The following SNTG2 variants were observed in gnomAD, a reference collection of about 807,000 sequenced individuals.
SNTG2 encodes the protein syntrophin gamma 2.
SNTG2 carries 74 observed loss-of-function variants against 70.9 expected under a neutral mutation model. The observed-to-expected ratio is 1.04, with a 90% CI of 0.86 to 1.27. SNTG2 has a LOEUF of 1.27. Among genes scored for constraint, SNTG2 ranks in the 50% most tolerant of loss-of-function variants. The probability of loss-of-function intolerance (pLI) is 0.00; values close to 1 mark genes in which losing one functional copy is unlikely to be tolerated. For synonymous variants in SNTG2, 278 were observed against 273.8 expected (o/e 1.02, Z -0.15); for missense variants, 717 against 690.7 (o/e 1.04, Z -0.43).
At chr2:1,127,659 T>G (rs556152873) in intron 4 of SNTG2, among the ~76,000 whole-genome samples, 13 of 152,212 alleles carry the variant, frequency 8.5e-5, no homozygotes, top group African/African-American at 2.6e-4. Flanking sequence ...TGTAGGGATC[T>G]TCCATATCCT....
chr2:1,257,380 G>A (rs1189756345), intron 12 of SNTG2, among the ~76,000 whole-genome samples: 2 of 152,128 alleles, frequency 1.3e-5, no homozygotes, highest in South Asian at 2.1e-4. Flanking sequence ...CTCTGGGAGC[G>A]GAGAAGGGAT....
At chr2:1,290,558 C>T (rs769104866) in intron 14 of SNTG2, among the ~76,000 whole-genome samples, 1 of 152,186 alleles carries the variant, frequency 6.6e-6, no homozygotes, top group Non-Finnish European at 1.5e-5. Context: ...AAGCAATCCA[C>T]CCACCTTGGC....
chr2:965,721 G>A (rs542101408), intron 1 of SNTG2, among the ~76,000 whole-genome samples: 4 of 152,118 alleles, frequency 2.6e-5, no homozygotes, highest in African/African-American at 7.2e-5. Flanking sequence ...GGGGTGGGGG[G>A]TTTCCTTCTG....
At chr2:1,155,718 C>T (rs1489924465) in intron 6 of SNTG2, among the ~76,000 whole-genome samples, 1 of 152,120 alleles carries the variant, frequency 6.6e-6, no homozygotes, top group African/African-American at 2.4e-5. Flanking sequence ...GAGAAGGCTT[C>T]CCAATCACCC....
At chr2:1,224,151 A>G (rs1368989122) in intron 9 of SNTG2, among the ~76,000 whole-genome samples, 1 of 151,894 alleles carries the variant, frequency 6.6e-6, no homozygotes, top group African/African-American at 2.4e-5. Flanking sequence ...GGACCTCATC[A>G]CCTCTCAAAG....
chr2:1,215,325 CTATT>C (rs758438197), intron 9 of SNTG2, among the ~76,000 whole-genome samples: 7 of 152,250 alleles, frequency 4.6e-5, no homozygotes, highest in Non-Finnish European at 7.4e-5. Context: ...AAGTTTTTCA[CTATT>C]TATTTGGTAG....
At chr2:1,004,701 G>A (rs565127977) in intron 1 of SNTG2, among the ~76,000 whole-genome samples, 19 of 152,290 alleles carry the variant, frequency 1.2e-4, no homozygotes, top group Admixed American at 2.6e-4. Context: ...ACTCTCCTTC[G>A]TTGTGGGTGT....
At chr2:1,306,709 T>TGTGC (rs1298537166) in intron 14 of SNTG2, among the ~76,000 whole-genome samples, 14 of 150,366 alleles carry the variant, frequency 9.3e-5, no homozygotes, top group Non-Finnish European at 4.4e-5. Context: ...TGTGTGTGTG[T>TGTGC]GCCATGCACT....
At chr2:1,117,671 C>T (rs1052698019) in intron 4 of SNTG2, among the ~76,000 whole-genome samples, 68 of 152,146 alleles carry the variant, frequency 4.5e-4, no homozygotes, top group African/African-American at 1.5e-3. Context: ...TGAAACTGGA[C>T]GAGCTCCCCA....
chr2:1,361,760 G>A (rs182634915), intron 16 of SNTG2, among the ~76,000 whole-genome samples: 19 of 59,090 alleles, frequency 3.2e-4, no homozygotes, highest in African/African-American at 4.4e-4. Context: ...GAAGGTCACC[G>A]ATGCTGAGCA....
chr2:1,085,923 T>C (rs1233011517), intron 2 of SNTG2, among the ~76,000 whole-genome samples: 1 of 152,258 alleles, frequency 6.6e-6, no homozygotes, highest in African/African-American at 2.4e-5. Context: ...GGATGCTGTA[T>C]ATTACACTTG....
At chr2:1,184,726 A>G (rs914327180) in intron 8 of SNTG2, among the ~76,000 whole-genome samples, 1 of 152,206 alleles carries the variant, frequency 6.6e-6, no homozygotes, top group Non-Finnish European at 1.5e-5. Flanking sequence ...CCACGATTCA[A>G]TCACCTCCCA....
intron 9 of SNTG2, among the ~76,000 whole-genome samples, chr2:1,236,359 A>C (rs899877105): frequency 5.9e-5 from 9 of 152,250 alleles, no homozygotes; most frequent in Non-Finnish European, 1.3e-4. Flanking sequence ...GAAGCGATGG[A>C]TCCTGAGGGA....
Position 1,359,840 on chromosome 2 carries a change from C to A in SNTG2, c.1489-7503C>A, listed in dbSNP as rs190661331. On this transcript the variant is annotated intron_variant, in intron 16 of 16. Coordinates refer to ENST00000308624, the MANE Select transcript of SNTG2 (RefSeq NM_018968.4). ...CCATAAACTAATCTTTATTTTATTTCTTTGCATGTTTTTTCTCTTTCATTA... is the reference window on the plus strand; with the variant it reads ...CCATAAACTAATCTTTATTTTATTTATTTGCATGTTTTTTCTCTTTCATTA... Among the ~76,000 whole-genome samples the A allele has an allele frequency of 5.1e-4, 78 of 152,170 alleles. No homozygotes were observed. The Middle Eastern group carries it at 0.01, about 20-fold the overall frequency.
At chr2:952,141 G>T (rs997641917) in intron 1 of SNTG2, among the ~76,000 whole-genome samples, 7 of 152,188 alleles carry the variant, frequency 4.6e-5, no homozygotes, top group African/African-American at 1.7e-4. Flanking sequence ...TGTAAAATGT[G>T]GGTGTTCGTT....
intron 1 of SNTG2, among the ~76,000 whole-genome samples, chr2:1,004,979 C>G (rs1317288664): frequency 2.0e-5 from 3 of 152,134 alleles, no homozygotes; most frequent in African/African-American, 7.2e-5. Context: ...TATGGTTCAT[C>G]CAGTCACTGT....
intron 8 of SNTG2, among the ~76,000 whole-genome samples, chr2:1,192,112 G>A (rs549748877): frequency 6.6e-6 from 1 of 152,272 alleles, no homozygotes; most frequent in South Asian, 2.1e-4. Context: ...TAAGAACCAC[G>A]CATGGGCTCT....
intron 14 of SNTG2, among the ~76,000 whole-genome samples, chr2:1,306,171 C>T (rs1680658230): frequency 6.6e-6 from 1 of 152,186 alleles, no homozygotes. Flanking sequence ...TGCTTTTCAG[C>T]CACCACTCAT....
At chr2:1,208,670 A>C (rs948245153) in intron 8 of SNTG2, among the ~76,000 whole-genome samples, 45 of 152,296 alleles carry the variant, frequency 3.0e-4, no homozygotes, top group Middle Eastern at 3.4e-3. Context: ...ACCGATAACA[A>C]GGCAGACCCA....
Sources: allele counts gnomAD v4.1 joint callset (sites outside exome capture counted in the v4.1 genomes callset), GRCh38; gene constraint gnomAD v4.1.1; transcripts MANE v1.5; gene names NCBI Gene and HGNC (gene_info 2026-07-23, HGNC 2026-07-21).